Variants in TRMT44 observed in about 807,000 individuals in gnomAD.
The protein encoded by TRMT44 is probable tRNA (uracil-O(2)-)-methyltransferase.
Under a neutral mutation model 77.3 loss-of-function variants are expected in TRMT44, and 78 were observed. The ratio of observed to expected loss-of-function variants is 1.01; its 90% CI spans 0.84 to 1.22. TRMT44 has a LOEUF of 1.22. Ranked by LOEUF, TRMT44 falls within the 50% of genes most tolerant of loss-of-function variation. The probability of loss-of-function intolerance (pLI) is 0.00; values close to 1 mark genes in which losing one functional copy is unlikely to be tolerated. For synonymous variants in TRMT44, 391 were observed against 383.3 expected (o/e 1.02, Z -0.23); for missense variants, 1,090 against 964.4 (o/e 1.13, Z -1.73).
At position 8,454,767 on chromosome 4, in the gene TRMT44, G is replaced by C; in HGVS notation, c.1157G>C (p.Arg386Pro). 6.2e-7 allele frequency: 1 copy of C among 1,614,180 alleles called. No individual in the cohort carries two copies. Among genetic ancestry groups the C allele is most frequent in the Non-Finnish European group, 8.5e-7 (1 of 1,180,026 alleles). ...EGHPGRGIDV[R>P]RRKIWDMYGP... ...CATCCAGGCAGAGGGATTGATGTCC[G>C]AAGAAGAAAAATCTGGGACATGTAT... The change falls in exon 6 of 11, where the codon CGA becomes CCA. Residue 386 changes from arginine (R) to proline (P), a missense_variant. Arg to Pro is a moderately radical substitution (Grantham distance 103, BLOSUM62 -2). Transcript: ENST00000389737.
At chr4:8,463,902 T>G in intron 6 of TRMT44, 83 bp from the exon 7 acceptor site, 1 of 1,164,612 alleles carries the variant, frequency 8.6e-7, no homozygotes, top group East Asian at 2.4e-5. Flanking sequence ...CTCCAGAGCC[T>G]GTACCCTCCC....
At position 8,451,093 on chromosome 4, in the gene TRMT44, C is replaced by T. The variant is rs1048339587; in HGVS notation, c.955-867C>T. Among the ~76,000 whole-genome samples, 7 of 152,002 alleles carry T rather than the reference C, an allele frequency of 4.6e-5. No homozygotes were observed. The highest frequency in any genetic ancestry group is 1.7e-4 in the African/African-American group (7 of 41,378). The stretch of plus-strand genomic sequence containing the variant: ...CATGTATTTTTTTAATCAGTCACGT[C>T]TTGCTCTGTAACAAAAGCACCCCAA... On this transcript the variant is annotated intron_variant, in intron 3 of 10. Transcript: ENST00000389737. This position sits in a 1 kb window ranked among gnomAD's most constrained non-coding sequence, Gnocchi z 4.1.
At chr4:8,447,142 C>G (rs1725109345) in intron 2 of TRMT44, among the ~76,000 whole-genome samples, 1 of 152,120 alleles carries the variant, frequency 6.6e-6, no homozygotes, top group African/African-American at 2.4e-5. Flanking sequence ...TCCCAAAGTG[C>G]TGAGATTTCA....
At chr4:8,515,408 G>A in the TRMT44 span, among the ~76,000 whole-genome samples, 1 of 152,218 alleles carries the variant, frequency 6.6e-6, no homozygotes, top group Non-Finnish European at 1.5e-5. Context: ...CTTTGCCCCT[G>A]CGGCAGGCCC....
Position 8,441,261 on chromosome 4 carries a change from G to A in TRMT44, c.439G>A (p.Glu147Lys). 1.3e-6 allele frequency: 2 copies of A among 1,535,636 alleles called. No homozygotes were observed. The highest frequency in any genetic ancestry group is 1.7e-6 in the Non-Finnish European group (2 of 1,146,682). Residue 147 changes from glutamate to lysine, a missense_variant, in exon 1 of 11, where the codon GAG (glutamate) becomes AAG (lysine). Transcript: ENST00000389737. ...FPAADLDSLW[E>K]DFSQSLARGN... ...CGCCGCAGATCTGGATTCGCTTTGG[G>A]AGGATTTCTCCCAAAGTCTCGCCCG...
In TRMT44 at chr4:8,451,221, G is replaced by A. The variant is rs1170330246; in HGVS notation, c.955-739G>A. On this transcript the variant is annotated intron_variant, in intron 3 of 10. Coordinates refer to ENST00000389737, the MANE Select transcript of TRMT44 (RefSeq NM_152544.3). This position sits in a 1 kb window ranked among gnomAD's most constrained non-coding sequence, Gnocchi z 4.1. ...GGGCTCCCTCCCACATCCTGGCCTC[G>A]TGGTCCTTTGCCATCTTGTTAGCTA... Among the ~76,000 whole-genome samples, 8 of 152,102 alleles carry A rather than the reference G, an allele frequency of 5.3e-5. No individual in the cohort carries two copies. Among genetic ancestry groups the A allele is most frequent in the East Asian group, 3.9e-4 (2 of 5,184 alleles).
downstream of TRMT44, among the ~76,000 whole-genome samples, chr4:8,495,763 G>A (rs548461261): frequency 9.1e-4 from 138 of 152,288 alleles, 1 homozygote; most frequent in African/African-American, 3.2e-3. Flanking sequence ...ACCTGAGGCC[G>A]ATTCCTGCTG....
At chr4:8,466,163 T>C (rs1353510248) in intron 8 of TRMT44, among the ~76,000 whole-genome samples, 2 of 152,232 alleles carry the variant, frequency 1.3e-5, no homozygotes, top group East Asian at 1.9e-4. Flanking sequence ...CCTATGTCTC[T>C]GGTAACTTTA....
In TRMT44 at chr4:8,446,498, G is replaced by T. The variant is rs777288358; in HGVS notation, c.642G>T (p.Thr214=). ...CAGATGTCCTCAATGGAACCATAACGTTTTTGCCTTTGGAAGAAGATGATG... is the reference window on the plus strand; with the variant it reads ...CAGATGTCCTCAATGGAACCATAACTTTTTTGCCTTTGGAAGAAGATGATG... ...VVQDVLNGTI[T]FLPLEEDDEG... The change falls in exon 2 of 11, where the codon ACG becomes ACT. Residue 214 remains threonine, a synonymous_variant. Transcript: ENST00000389737. The surrounding 1 kb of genome is among the most constrained non-coding windows in gnomAD (Gnocchi z 4.3). The T allele has an allele frequency of 4.4e-5, 68 of 1,536,214 alleles. No individual in the cohort carries two copies. The Middle Eastern group carries it at 5.0e-4, about 11-fold the overall frequency.
At chr4:8,492,730 A>C (rs1426236956) in intron 2 of TRMT44, among the ~76,000 whole-genome samples, 2 of 152,212 alleles carry the variant, frequency 1.3e-5, no homozygotes, top group Non-Finnish European at 2.9e-5. Context: ...ACTGAGATAG[A>C]TGCGTCTCTG....
chr4:8,487,829 C>T (rs1379557833), intron 2 of TRMT44, among the ~76,000 whole-genome samples: 8 of 152,138 alleles, frequency 5.3e-5, no homozygotes, highest in Admixed American at 5.2e-4. Flanking sequence ...AAGACCAAGG[C>T]AGGCGTCCAT....
At chr4:8,457,188 A>G (rs73213409) in intron 6 of TRMT44, among the ~76,000 whole-genome samples, 3,378 of 152,346 alleles carry the variant, frequency 0.022, 67 homozygotes, top group African/African-American at 0.052. Flanking sequence ...AGGAAGGGAC[A>G]GGCTAGGTCT....
At chr4:8,474,306 G>T (rs145262707) in intron 10 of TRMT44, among the ~76,000 whole-genome samples, 2 of 152,180 alleles carry the variant, frequency 1.3e-5, no homozygotes, top group African/African-American at 4.8e-5. Context: ...TCTGTGCTGC[G>T]CCAGGAGGTG....
At chr4:8,514,242 G>A in the TRMT44 span, among the ~76,000 whole-genome samples, 1 of 148,706 alleles carries the variant, frequency 6.7e-6, no homozygotes, top group African/African-American at 2.5e-5. Flanking sequence ...ACGAGGCCTG[G>A]GCTCTGATCT....
rs1187083675 is a variant in TRMT44, at chr4:8,467,978, G to A, written c.1559G>A (p.Arg520Lys). 2 of 1,614,004 alleles carry A rather than the reference G, an allele frequency of 1.2e-6. No homozygotes were observed. Among genetic ancestry groups the A allele is most frequent in the African/African-American group, 2.7e-5 (2 of 74,954 alleles). The change falls in exon 9 of 11, where the codon AGG becomes AAG. Residue 520 changes from arginine to lysine, a missense_variant. Transcript: ENST00000389737. ...AGAGAAGCTTCCGTGGATGAAAAGA[G>A]GACTCAGTACATTAAGAGCAGGCGG... Reference protein sequence around the residue: ...SSREASVDEKRTQYIKSRRGC... With the variant: ...SSREASVDEKKTQYIKSRRGC...
chr4:8,448,924 A>C (rs1278504505), intron 2 of TRMT44, among the ~76,000 whole-genome samples: 1 of 152,176 alleles, frequency 6.6e-6, no homozygotes, highest in Non-Finnish European at 1.5e-5. Context: ...TGTCCGTTGA[A>C]TGTCACTTTT....
chr4:8,483,417 T>TGG (rs368181097), intron 2 of TRMT44, among the ~76,000 whole-genome samples: 3,717 of 149,862 alleles, frequency 0.025, 57 homozygotes, highest in Middle Eastern at 0.034. Context: ...CAAGTTTTTT[T>TGG]GGGGGGGGGC....
At chr4:8,479,152 G>T (rs941517726), downstream of TRMT44, 11 of 152,182 alleles carry the variant, frequency 7.2e-5, no homozygotes. Flanking sequence ...TTGTGCAGAA[G>T]AGCCTTGTGT....
At chr4:8,493,687 C>T (rs1450872180), downstream of TRMT44, among the ~76,000 whole-genome samples, 2 of 152,056 alleles carry the variant, frequency 1.3e-5, no homozygotes, top group South Asian at 2.1e-4. Flanking sequence ...CTCGACTTTC[C>T]GTTAGTCACC....
Sources: gnomAD v4.1 joint callset for allele counts (sites outside exome capture counted in the v4.1 genomes callset) on GRCh38, gnomAD v4.1.1 for gene constraint, Gnocchi (gnomAD v3.1) non-coding constraint, MANE v1.5 for transcripts, NCBI Gene and HGNC (gene_info 2026-07-23, HGNC 2026-07-21) for gene names.